The following KCNIP4 variants were observed in gnomAD, a reference collection of about 807,000 sequenced individuals.
KCNIP4 encodes Kv channel-interacting protein 4.
A neutral mutation model predicts 34.0 loss-of-function variants in KCNIP4; 12 were observed. The ratio of observed to expected loss-of-function variants is 0.35; its 90% CI spans 0.23 to 0.57. KCNIP4 has a LOEUF of 0.57. Ranked by LOEUF, KCNIP4 falls within the 20% of genes least tolerant of loss-of-function variation. The pLI, the probability that KCNIP4 is intolerant of heterozygous loss-of-function variation, is 0.83. For missense variants in KCNIP4, 238 were observed against 311.7 expected (o/e 0.76, Z 1.78); for synonymous variants, 124 against 102.2 (o/e 1.21, Z -1.29).
chr4:21,638,225 CA>C lies in KCNIP4; in HGVS notation c.61+310345del, dbSNP rs773845569. ...ATACCTGTGCAATAAATTTTCCAAT[CA>C]GGGGCAAATCAAGGCCAATCATGAT... On this transcript the variant is annotated intron_variant, in intron 1 of 8. Transcript: ENST00000382152. Among the ~76,000 whole-genome samples, 96 of 152,234 alleles carry C rather than the reference CA, an allele frequency of 6.3e-4. 1 individual carries two copies. The highest frequency in any genetic ancestry group is 2.0e-3 in the African/African-American group (83 of 41,546).
At chr4:21,413,248 G>C (rs1375311306) in intron 1 of KCNIP4, among the ~76,000 whole-genome samples, 1 of 152,118 alleles carries the variant, frequency 6.6e-6, no homozygotes, top group African/African-American at 2.4e-5. Context: ...CAAGCTCTGA[G>C]CTAAGCTAGG....
chr4:21,210,055 C>T (rs908965474), intron 1 of KCNIP4, among the ~76,000 whole-genome samples: 2 of 152,064 alleles, frequency 1.3e-5, no homozygotes, highest in East Asian at 3.9e-4. Flanking sequence ...AATGACACCA[C>T]GGTGATTTAA....
At chr4:20,934,648 T>A (rs1594943) in intron 1 of KCNIP4, among the ~76,000 whole-genome samples, 1 of 152,138 alleles carries the variant, frequency 6.6e-6, no homozygotes, top group African/African-American at 2.4e-5. Context: ...TCTAAAAAGA[T>A]AAAAATTTCT....
chr4:21,324,402 T>C (rs1412160139), intron 1 of KCNIP4, among the ~76,000 whole-genome samples: 3 of 152,052 alleles, frequency 2.0e-5, no homozygotes, highest in Non-Finnish European at 4.4e-5. Flanking sequence ...AAGTATTTAA[T>C]CCATTTTTAT....
chr4:21,930,695 C>T (rs1729515603), intron 1 of KCNIP4, among the ~76,000 whole-genome samples: 1 of 152,106 alleles, frequency 6.6e-6, no homozygotes, highest in Admixed American at 6.6e-5. Flanking sequence ...TAAATCTCAA[C>T]ACAGTTTTTT....
intron 1 of KCNIP4, among the ~76,000 whole-genome samples, chr4:21,417,195 C>G (rs1201451030): frequency 1.3e-5 from 2 of 151,972 alleles, no homozygotes; most frequent in East Asian, 3.9e-4. Context: ...CACATACTGC[C>G]CAAACATAAG....
chr4:21,552,036 T>A (rs1222486661), intron 1 of KCNIP4, among the ~76,000 whole-genome samples: 2 of 114,772 alleles, frequency 1.7e-5, no homozygotes, highest in Non-Finnish European at 3.6e-5. Context: ...GAGAGCTTTT[T>A]TTAAAAAAAA....
intron 2 of KCNIP4, among the ~76,000 whole-genome samples, chr4:20,854,741 G>A (rs996658766): frequency 6.6e-6 from 1 of 152,178 alleles, no homozygotes; most frequent in Non-Finnish European, 1.5e-5. Flanking sequence ...ATTAGGTGCT[G>A]ACAAGGGTAA....
chr4:21,489,882 T>A (rs886229166), intron 1 of KCNIP4, among the ~76,000 whole-genome samples: 3 of 152,058 alleles, frequency 2.0e-5, no homozygotes, highest in Non-Finnish European at 4.4e-5. Flanking sequence ...TGAAAAAAAA[T>A]ATGATATCCC....
intron 1 of KCNIP4, among the ~76,000 whole-genome samples, chr4:21,455,825 A>AGCCAAATAAGT (rs1560422851): frequency 4.7e-4 from 28 of 59,406 alleles, no homozygotes; most frequent in African/African-American, 1.5e-3. Flanking sequence ...ATATATATAT[A>AGCCAAATAAGT]TATATATATA....
chr4:21,140,560 G>T (rs575850158), intron 1 of KCNIP4, among the ~76,000 whole-genome samples: 1 of 151,944 alleles, frequency 6.6e-6, no homozygotes, highest in East Asian at 1.9e-4. Context: ...CTCCTCCAAC[G>T]CACCCCGCTA....
At chr4:21,072,654 A>T (rs983421891) in intron 1 of KCNIP4, among the ~76,000 whole-genome samples, 2 of 151,934 alleles carry the variant, frequency 1.3e-5, no homozygotes, top group African/African-American at 4.8e-5. Context: ...GTTTAATTAG[A>T]TCCCATTTGT....
At chr4:20,906,841 A>G (rs777425960) in intron 1 of KCNIP4, among the ~76,000 whole-genome samples, 2 of 152,186 alleles carry the variant, frequency 1.3e-5, no homozygotes, top group Non-Finnish European at 2.9e-5. Context: ...GATAATTTAA[A>G]TGTTTCTGAA....
At chr4:21,313,474 C>G (rs1713405768) in intron 1 of KCNIP4, among the ~76,000 whole-genome samples, 1 of 152,168 alleles carries the variant, frequency 6.6e-6, no homozygotes, top group Non-Finnish European at 1.5e-5. Flanking sequence ...ACAATTCTAA[C>G]TACTCACTTG....
At chr4:20,766,850 A>C (rs1755458428) in intron 3 of KCNIP4, 1 of 152,208 alleles carries the variant, frequency 6.6e-6, no homozygotes, top group African/African-American at 2.4e-5. Context: ...GGAGTTAAAT[A>C]GAAGGCCTGG....
At chr4:21,323,750 A>G (rs1242417693) in intron 1 of KCNIP4, among the ~76,000 whole-genome samples, 2 of 152,062 alleles carry the variant, frequency 1.3e-5, no homozygotes, top group African/African-American at 2.4e-5. Flanking sequence ...TCTTTGATAT[A>G]CTATTATAAC....
chr4:21,815,792 C>G (rs1721953507), intron 1 of KCNIP4, among the ~76,000 whole-genome samples: 1 of 152,112 alleles, frequency 6.6e-6, no homozygotes, highest in South Asian at 2.1e-4. Flanking sequence ...TTATTCAGAT[C>G]TCTCCAAGCC....
At chr4:21,812,921 C>G (rs4257641) in intron 1 of KCNIP4, among the ~76,000 whole-genome samples, 132,578 of 152,104 alleles carry the variant, frequency 0.87, 57,978 homozygotes, top group South Asian at 0.92. Context: ...CCAGGATCCA[C>G]ACTTTCACAT....
intron 1 of KCNIP4, among the ~76,000 whole-genome samples, chr4:21,603,290 C>A (rs1743357508): frequency 6.6e-6 from 1 of 151,768 alleles, no homozygotes; most frequent in South Asian, 2.1e-4. Context: ...CACATAAAGC[C>A]ATAAGAGATC....
Sources: allele counts gnomAD v4.1 joint callset (sites outside exome capture counted in the v4.1 genomes callset), GRCh38; gene constraint gnomAD v4.1.1; transcripts MANE v1.5; gene names NCBI Gene and HGNC (gene_info 2026-07-23, HGNC 2026-07-21).